ADAMTS2: variants seen among roughly 807,000 people sequenced by gnomAD.
ADAMTS2 encodes A disintegrin and metalloproteinase with thrombospondin motifs 2.
In ADAMTS2, 50 loss-of-function variants were observed where a neutral mutation model predicts 123.0. The ratio of observed to expected loss-of-function variants is 0.41; its 90% CI spans 0.32 to 0.51. The LOEUF is 0.51. Among genes scored for constraint, ADAMTS2 ranks in the 20% least tolerant of loss-of-function variants. The pLI, the probability that ADAMTS2 is intolerant of heterozygous loss-of-function variation, is 0.35. For synonymous variants in ADAMTS2, 678 were observed against 695.4 expected (o/e 0.98, Z 0.39); for missense variants, 1,494 against 1,705.2 (o/e 0.88, Z 2.18).
intron 2 of ADAMTS2, among the ~76,000 whole-genome samples, chr5:179,313,222 A>C (rs964019290): frequency 7.1e-6 from 1 of 140,914 alleles, no homozygotes; most frequent in African/African-American, 2.6e-5. Context: ...ACACACACAC[A>C]CCGAGACAGA....
chr5:179,119,118 A>T (rs976538602), intron 21 of ADAMTS2, among the ~76,000 whole-genome samples: 1 of 152,170 alleles, frequency 6.6e-6, no homozygotes, highest in Admixed American at 6.5e-5. Flanking sequence ...CTGGCCTAGG[A>T]GCCTCTTAGC....
chr5:179,137,982 T>C (rs1763095764), intron 11 of ADAMTS2, 38 bp from the exon 12 acceptor site: 2 of 1,538,174 alleles, frequency 1.3e-6, no homozygotes, highest in Non-Finnish European at 1.7e-6. Flanking sequence ...CTCCGTGCCA[T>C]TGGAAAGAGG....
chr5:179,206,551 C>T (rs1280759692), intron 4 of ADAMTS2, among the ~76,000 whole-genome samples: 1 of 152,198 alleles, frequency 6.6e-6, no homozygotes, highest in Non-Finnish European at 1.5e-5. Flanking sequence ...GGCTTCCTCC[C>T]ACAAATACCC....
intron 2 of ADAMTS2, among the ~76,000 whole-genome samples, chr5:179,318,578 C>T (rs562096389): frequency 1.3e-5 from 2 of 152,324 alleles, no homozygotes; most frequent in South Asian, 2.1e-4. Flanking sequence ...CCCTCGCCTC[C>T]GTCTTTTTGG....
At chr5:179,344,634 C>A (rs1459615935) in intron 1 of ADAMTS2, among the ~76,000 whole-genome samples, 1 of 152,242 alleles carries the variant, frequency 6.6e-6, no homozygotes, top group Non-Finnish European at 1.5e-5. Context: ...TCCGGAGCGG[C>A]GGAGTCTCGG....
intron 3 of ADAMTS2, among the ~76,000 whole-genome samples, chr5:179,267,584 GC>G (rs1486760302): frequency 6.6e-6 from 1 of 152,244 alleles, no homozygotes; most frequent in Admixed American, 6.5e-5. Flanking sequence ...CCAAGGCCAG[GC>G]CGGGGCGAGC....
At chr5:179,215,665 G>A (rs2113393127) in intron 3 of ADAMTS2, among the ~76,000 whole-genome samples, 1 of 152,324 alleles carries the variant, frequency 6.6e-6, no homozygotes, top group South Asian at 2.1e-4. Flanking sequence ...AACTGTGGGA[G>A]GCTGGAAACA....
chr5:179,319,148 C>T (rs1249307921), intron 2 of ADAMTS2, among the ~76,000 whole-genome samples: 1 of 152,138 alleles, frequency 6.6e-6, no homozygotes, highest in African/African-American at 2.4e-5. Flanking sequence ...TCACATGCAC[C>T]ACGTGTGCAC....
chr5:179,127,083 A>G (rs1206770593), intron 17 of ADAMTS2, among the ~76,000 whole-genome samples: 3 of 152,164 alleles, frequency 2.0e-5, no homozygotes, highest in Non-Finnish European at 4.4e-5. Flanking sequence ...GAAGAGAGAG[A>G]CATTGTCTGA....
At position 179,170,988 on chromosome 5, in the gene ADAMTS2, C is replaced by G. The variant is rs1429661170; in HGVS notation, c.975+10084G>C. On this transcript the variant is annotated intron_variant, in intron 5 of 21. Transcript: ENST00000251582. This position sits in a 1 kb window ranked among gnomAD's most constrained non-coding sequence, Gnocchi z 4.3. ...CCTGGTGGACACAAACTGTTCCAGT[C>G]CACAGTGAGATAAGTACAGAAACTA... Among the ~76,000 whole-genome samples, 1 of 152,194 alleles carries G rather than the reference C, an allele frequency of 6.6e-6. No individual in the cohort carries two copies. The highest frequency in any genetic ancestry group is 1.5e-5 in the Non-Finnish European group (1 of 68,048).
At chr5:179,208,454 C>T (rs1337707980) in intron 3 of ADAMTS2, among the ~76,000 whole-genome samples, 2 of 152,228 alleles carry the variant, frequency 1.3e-5, no homozygotes, top group Non-Finnish European at 2.9e-5. Flanking sequence ...CCCTCTGTGG[C>T]AGCTCCGCTG....
chr5:179,218,637 G>A (rs55885988), intron 3 of ADAMTS2, among the ~76,000 whole-genome samples: 18,038 of 152,240 alleles, frequency 0.12, 1,187 homozygotes, highest in South Asian at 0.21. Flanking sequence ...GAGGTGGATC[G>A]GAGGGTGGGG....
chr5:179,287,142 G>A (rs1381426005), intron 2 of ADAMTS2, among the ~76,000 whole-genome samples: 2 of 152,104 alleles, frequency 1.3e-5, no homozygotes, highest in Non-Finnish European at 2.9e-5. Context: ...AGAGCTGGGC[G>A]GGCTGTTCCT....
At position 179,188,268 on chromosome 5, in the gene ADAMTS2, G is replaced by A. The variant is rs943896455; in HGVS notation, c.892-7113C>T. 3.3e-5 allele frequency among the ~76,000 whole-genome samples: 5 copies of A among 152,226 alleles called. No individual in the cohort carries two copies. Among genetic ancestry groups the A allele is most frequent in the Admixed American group, 6.5e-5 (1 of 15,290 alleles). ...CTGAAAAGTCTGTCAGAGGCCTGGG[G>A]GAGGGGGGCCTGCTGCTCTGTGGCT... On this transcript the variant is annotated intron_variant, in intron 4 of 21. Transcript: ENST00000251582. The surrounding 1 kb of genome is among the most constrained non-coding windows in gnomAD (Gnocchi z 5.1).
In ADAMTS2 at chr5:179,319,188, C is replaced by T. The variant is rs548568518; in HGVS notation, c.534+24579G>A. ...ACGCAGGCGTCACACAGGCACCATGCAGACGCATGCACACACACATCACTC... is the reference window on the plus strand; with the variant it reads ...ACGCAGGCGTCACACAGGCACCATGTAGACGCATGCACACACACATCACTC... On this transcript the variant is annotated intron_variant, in intron 2 of 21. Coordinates refer to ENST00000251582, the MANE Select transcript of ADAMTS2 (RefSeq NM_014244.5). 6.6e-5 allele frequency among the ~76,000 whole-genome samples: 10 copies of T among 151,044 alleles called. No individual in the cohort carries two copies. The South Asian group carries it at 2.1e-3, about 31-fold the overall frequency.
chr5:179,189,902 G>A lies in ADAMTS2; in HGVS notation c.892-8747C>T, dbSNP rs556334153. ...GTAGATTCACAAGGGCGGGTCCGGC[G>A]GGGGCGGGTGGCAATATCACAAAGT... On this transcript the variant is annotated intron_variant, in intron 4 of 21. Coordinates refer to ENST00000251582, the MANE Select transcript of ADAMTS2 (RefSeq NM_014244.5). The surrounding 1 kb of genome is among the most constrained non-coding windows in gnomAD (Gnocchi z 4.2). Among the ~76,000 whole-genome samples, 17 of 151,008 alleles carry A rather than the reference G, an allele frequency of 1.1e-4. No homozygotes were observed. The highest frequency in any genetic ancestry group is 4.6e-4 in the Admixed American group (7 of 15,230).
intron 21 of ADAMTS2, among the ~76,000 whole-genome samples, chr5:179,114,985 C>A (rs536355170): frequency 4.6e-5 from 7 of 152,314 alleles, no homozygotes; most frequent in African/African-American, 1.7e-4. Context: ...TACCCAACAA[C>A]CTCATTTCCA....
intron 10 of ADAMTS2, among the ~76,000 whole-genome samples, chr5:179,148,245 C>T (rs903331871): frequency 7.2e-5 from 11 of 152,252 alleles, no homozygotes; most frequent in Admixed American, 3.9e-4. Flanking sequence ...CCTCAACACA[C>T]GCCTGGCACA....
chr5:179,289,279 G>T (rs1294617590), intron 2 of ADAMTS2, among the ~76,000 whole-genome samples: 1 of 152,196 alleles, frequency 6.6e-6, no homozygotes, highest in Non-Finnish European at 1.5e-5. Flanking sequence ...ATAAATGATA[G>T]TAATAGGTTA....
Sources: gnomAD v4.1 joint callset for allele counts (sites outside exome capture counted in the v4.1 genomes callset) on GRCh38, gnomAD v4.1.1 for gene constraint, Gnocchi (gnomAD v3.1) non-coding constraint, MANE v1.5 for transcripts, NCBI Gene and HGNC (gene_info 2026-07-23, HGNC 2026-07-21) for gene names.